Variants in TBC1D8 observed in about 807,000 individuals in gnomAD.
TBC1D8 encodes TBC1 domain family member 8, also known as BUB2-like protein 1.
In TBC1D8, 65 loss-of-function variants were observed where a neutral mutation model predicts 118.8. That is an observed-to-expected ratio of 0.55 (90% CI 0.45 to 0.67). The LOEUF (loss-of-function observed/expected upper bound fraction) is 0.67, where lower values mean the gene tolerates loss of function less well. Among genes scored for constraint, TBC1D8 ranks in the 30% least tolerant of loss-of-function variants. The pLI is 0.00. For synonymous variants in TBC1D8, 566 were observed against 595.8 expected, an observed-to-expected ratio of 0.95 and a Z score of 0.73; for missense variants, 1,376 against 1,471.2, an observed-to-expected ratio of 0.94 and a Z score of 1.06.
intron 1 of TBC1D8, among the ~76,000 whole-genome samples, chr2:101,134,189 TCTCTCTCTCACACACACACA>T (rs1316005391): frequency 2.1e-5 from 2 of 95,712 alleles, no homozygotes; most frequent in African/African-American, 9.7e-5. Context: ...TCTCTCTCTC[TCTCTCTCTCACACACACACA>T]CACACACACA....
In TBC1D8 at chr2:101,038,418, G is replaced by A. The variant is rs569983017; in HGVS notation, c.1275+43C>T. Reference sequence around the variant, plus strand: ...TACTCCCCTTTGGAGACCACGGCCTGAGACATGAAGAAGGGGATCATCAGG... The same window carrying A: ...TACTCCCCTTTGGAGACCACGGCCTAAGACATGAAGAAGGGGATCATCAGG... On this transcript the variant is annotated intron_variant, in intron 7 of 19. Transcript: ENST00000409318. 6 of 1,596,286 alleles carry A rather than the reference G, an allele frequency of 3.8e-6. No individual in the cohort carries two copies. In the South Asian group the frequency reaches 5.5e-5, roughly 15 times the overall value.
At chr2:101,088,388 C>T (rs1023632386) in intron 2 of TBC1D8, among the ~76,000 whole-genome samples, 8 of 151,736 alleles carry the variant, frequency 5.3e-5, no homozygotes, top group African/African-American at 1.9e-4. Context: ...TCCTCCTCAC[C>T]GCAATTCTCC....
intron 2 of TBC1D8, among the ~76,000 whole-genome samples, chr2:101,062,307 A>G (rs1682797311): frequency 6.7e-6 from 1 of 148,472 alleles, no homozygotes; most frequent in Non-Finnish European, 1.5e-5. Flanking sequence ...AGAATAAAGA[A>G]AAAAAAAAAA....
Position 101,134,195 on chromosome 2 carries a change from T to A in TBC1D8, c.127+16932A>T, listed in dbSNP as rs62152489. 3.7e-4 allele frequency among the ~76,000 whole-genome samples: 23 copies of A among 62,850 alleles called. No individual in the cohort carries two copies. The South Asian group carries it at 3.9e-3, about 11-fold the overall frequency. 41.2% of individuals were successfully genotyped at this position (62,850 alleles called of 152,430 possible). ...TTCTCTCTCTCTCTCTCTCTCTCTC[T>A]CTCACACACACACACACACACACAC... is the stretch of plus-strand genomic sequence containing the variant. On this transcript the variant is annotated intron_variant, in intron 1 of 19. Coordinates refer to ENST00000409318, the MANE Select transcript of TBC1D8 (RefSeq NM_001330348.2).
chr2:101,028,502 A>G (rs1164210311), intron 12 of TBC1D8, 70 bp from the exon 13 acceptor site: 21 of 1,497,642 alleles, frequency 1.4e-5, no homozygotes, highest in South Asian at 6.8e-5. Flanking sequence ...CTGCCTTCAC[A>G]GTGTCAGACA....
At chr2:101,015,779 A>G (rs952899350) in intron 17 of TBC1D8, among the ~76,000 whole-genome samples, 3 of 152,204 alleles carry the variant, frequency 2.0e-5, no homozygotes, top group Non-Finnish European at 2.9e-5. Flanking sequence ...CATATCCACA[A>G]CTACATGATC....
intron 1 of TBC1D8, among the ~76,000 whole-genome samples, chr2:101,127,670 T>C (rs1678413443): frequency 6.6e-6 from 1 of 152,140 alleles, no homozygotes; most frequent in Admixed American, 6.6e-5. Flanking sequence ...CCCAAAGTGC[T>C]GGGATTACAA....
intron 2 of TBC1D8, among the ~76,000 whole-genome samples, chr2:101,065,170 T>C (rs1573966434): frequency 6.6e-6 from 1 of 152,336 alleles, no homozygotes; most frequent in Non-Finnish European, 1.5e-5. Flanking sequence ...GCTGCTTCTC[T>C]CTGCACAGTA....
At chr2:101,113,834 G>A (rs183113674) in intron 1 of TBC1D8, among the ~76,000 whole-genome samples, 8 of 152,270 alleles carry the variant, frequency 5.3e-5, no homozygotes, top group Admixed American at 2.6e-4. Context: ...GGCGGATTCC[G>A]GCTCCTCACG....
chr2:101,024,187 C>T (rs978069102), intron 15 of TBC1D8, among the ~76,000 whole-genome samples: 1 of 152,086 alleles, frequency 6.6e-6, no homozygotes, highest in Non-Finnish European at 1.5e-5. Context: ...TAAAAATAGG[C>T]AAAGGATATG....
intron 13 of TBC1D8, 43 bp downstream of exon 13, chr2:101,028,260 G>T (rs1261748999): frequency 2.6e-5 from 42 of 1,590,618 alleles, no homozygotes; most frequent in Non-Finnish European, 3.3e-5. Flanking sequence ...ATTCCCGGGG[G>T]GTTAGGGGCT....
At chr2:101,054,681 T>C (rs1223107254) in intron 3 of TBC1D8, among the ~76,000 whole-genome samples, 3 of 121,644 alleles carry the variant, frequency 2.5e-5, no homozygotes, top group African/African-American at 6.5e-5. Context: ...TCTTTTTTTT[T>C]TTTTTTTTTT....
At chr2:101,126,416 TCTCTGCTGGGTAC>T (rs1172354147) in intron 1 of TBC1D8, among the ~76,000 whole-genome samples, 1 of 152,194 alleles carries the variant, frequency 6.6e-6, no homozygotes, top group Non-Finnish European at 1.5e-5. Flanking sequence ...ACCACAAGCT[TCTCTGCTGGGTAC>T]ATATGTCCTG....
intron 1 of TBC1D8, among the ~76,000 whole-genome samples, chr2:101,130,183 A>T (rs1193991524): frequency 6.6e-6 from 1 of 152,140 alleles, no homozygotes; most frequent in East Asian, 1.9e-4. Context: ...TAACTAAGAA[A>T]ATGAGTCCAC....
chr2:101,053,973 T>C lies in TBC1D8; in HGVS notation c.631+135A>G, dbSNP rs985696489. 1.7e-5 allele frequency: 13 copies of C among 767,892 alleles called. 1 individual carries two copies. In the South Asian group the frequency reaches 2.4e-4, roughly 14 times the overall value. The allele number at this position is 767,892 out of a possible 1,614,324, so 47.6% of individuals were successfully genotyped here. Reference sequence around the variant, plus strand: ...TGCTAGCAGTAGCATATATAAGTAATCAAGTGTCACCTGGTGTCATCTCCA... The same window carrying C: ...TGCTAGCAGTAGCATATATAAGTAACCAAGTGTCACCTGGTGTCATCTCCA... On this transcript the variant is annotated intron_variant, in intron 4 of 19. Transcript: ENST00000409318.
At chr2:101,079,656 G>A (rs533975719) in intron 2 of TBC1D8, among the ~76,000 whole-genome samples, 4 of 142,754 alleles carry the variant, frequency 2.8e-5, no homozygotes, top group Admixed American at 7.1e-5. Flanking sequence ...AATTAAAGGC[G>A]TTTGAGTCAC....
intron 1 of TBC1D8, among the ~76,000 whole-genome samples, chr2:101,117,806 A>G (rs2104224507): frequency 6.8e-6 from 1 of 146,894 alleles, no homozygotes; most frequent in East Asian, 2.1e-4. Flanking sequence ...CGATCTCCTG[A>G]TCTTGTGATC....
At chr2:101,034,111 C>T (rs1216953225) in intron 9 of TBC1D8, among the ~76,000 whole-genome samples, 1 of 152,160 alleles carries the variant, frequency 6.6e-6, no homozygotes, top group South Asian at 2.1e-4. Flanking sequence ...TTGCAGTGAG[C>T]TGAGATCACA....
intron 11 of TBC1D8, among the ~76,000 whole-genome samples, chr2:101,031,554 G>C (rs909704525): frequency 6.6e-6 from 1 of 152,184 alleles, no homozygotes; most frequent in African/African-American, 2.4e-5. Flanking sequence ...GAGTTCTTAA[G>C]AGCATCACCA....
Sources: allele counts gnomAD v4.1 joint callset (sites outside exome capture counted in the v4.1 genomes callset), GRCh38; gene constraint gnomAD v4.1.1; transcripts MANE v1.5; gene names NCBI Gene and HGNC (gene_info 2026-07-23, HGNC 2026-07-21).